HECTD4: variants seen among roughly 807,000 people sequenced by gnomAD.
The protein encoded by HECTD4 is HECT domain E3 ubiquitin protein ligase 4.
HECTD4 carries 114 observed loss-of-function variants against 471.5 expected under a neutral mutation model. The ratio of observed to expected loss-of-function variants is 0.24; its 90% CI spans 0.21 to 0.28. The LOEUF (loss-of-function observed/expected upper bound fraction) is 0.28, where lower values mean the gene tolerates loss of function less well. Ranked by LOEUF, HECTD4 falls within the 10% of genes least tolerant of loss-of-function variation. The pLI is 1.00. For missense variants in HECTD4, 3,866 were observed against 5,651.5 expected, an observed-to-expected ratio of 0.68 and a Z score of 10.13; for synonymous variants, 2,012 against 2,256.0, an observed-to-expected ratio of 0.89 and a Z score of 3.07.
rs115891231 is a variant in HECTD4 at position 112,168,246 on chromosome 12, T to A, written c.12209-329A>T. The stretch of plus-strand genomic sequence containing the variant: ...ACCGCAGGTCCCCACACAGGCAACC[T>A]CTCACAGCTGCAAGCCTGCCTGAGT... On this transcript the variant is annotated intron_variant, in intron 70 of 75. Transcript: ENST00000682272. 2.0e-3 allele frequency among the ~76,000 whole-genome samples: 312 copies of A among 152,260 alleles called. 2 individuals carry two copies. The highest frequency in any genetic ancestry group is 7.2e-3 in the African/African-American group (298 of 41,550).
At chr12:112,211,262 T>C (rs1156431469) in intron 49 of HECTD4, among the ~76,000 whole-genome samples, 1 of 152,098 alleles carries the variant, frequency 6.6e-6, no homozygotes, top group African/African-American at 2.4e-5. Context: ...GGAGTACAAC[T>C]GACTATTCAT....
intron 7 of HECTD4, chr12:112,301,949 A>C (rs925408409): frequency 1.1e-6 from 1 of 878,356 alleles, no homozygotes; most frequent in African/African-American, 1.6e-5. Flanking sequence ...GGGACCCAAG[A>C]TATTGCCTCC....
chr12:112,378,287 C>T (rs555010524), intron 1 of HECTD4, among the ~76,000 whole-genome samples: 1 of 152,224 alleles, frequency 6.6e-6, no homozygotes, highest in African/African-American at 2.4e-5. Flanking sequence ...GACGCGATCT[C>T]AGCTCACTGC....
At chr12:112,380,851 A>C (rs2036874022) in intron 1 of HECTD4, among the ~76,000 whole-genome samples, 1 of 152,166 alleles carries the variant, frequency 6.6e-6, no homozygotes, top group Non-Finnish European at 1.5e-5. Context: ...AATGGCTTTT[A>C]ATTCATTTCT....
intron 58 of HECTD4, 31 bp from the exon 59 acceptor site, chr12:112,192,796 C>A: frequency 6.6e-7 from 1 of 1,523,668 alleles, no homozygotes. Context: ...GGTGTTAATA[C>A]AGGGTCTAGC....
chr12:112,283,483 G>C (rs1226127524), intron 7 of HECTD4, among the ~76,000 whole-genome samples, 181 bp from the exon 8 acceptor site: 5 of 152,192 alleles, frequency 3.3e-5, no homozygotes, highest in Admixed American at 2.6e-4. Flanking sequence ...ACTATGCTAA[G>C]TTTGAGATCT....
chr12:112,364,397 ACT>A (rs905902704), intron 1 of HECTD4, among the ~76,000 whole-genome samples: 31 of 146,712 alleles, frequency 2.1e-4, no homozygotes, highest in Non-Finnish European at 3.0e-4. Context: ...ACAGAGCAAG[ACT>A]CTCTCTCTCA....
Position 112,203,626 on chromosome 12 carries a change from G to C in HECTD4, c.8406+10C>G. On this transcript the variant is annotated intron_variant, in intron 54 of 75. Coordinates refer to ENST00000682272, the MANE Select transcript of HECTD4 (RefSeq NM_001388303.1). ...AAATAGCTTATTAATCAGAATGGCT[G>C]TTCACTCACTGAATCAACATCTAAG... 1 of 1,610,404 alleles carries C rather than the reference G, an allele frequency of 6.2e-7. No homozygotes were observed. The highest frequency in any genetic ancestry group is 1.3e-5 in the African/African-American group (1 of 74,926).
intron 37 of HECTD4, among the ~76,000 whole-genome samples, chr12:112,234,637 A>G (rs1276961340): frequency 6.6e-6 from 1 of 152,192 alleles, no homozygotes. Flanking sequence ...TCAACTAATT[A>G]AAGATTTAAA....
At chr12:112,261,622 T>C in intron 17 of HECTD4, 193 bp from the exon 18 acceptor site, 1 of 516,468 alleles carries the variant, frequency 1.9e-6, no homozygotes, top group South Asian at 3.1e-5. Flanking sequence ...AAATGGCAAG[T>C]AGCAATTTGG....
chr12:112,362,170 G>A (rs2036461964), intron 1 of HECTD4, among the ~76,000 whole-genome samples: 1 of 152,148 alleles, frequency 6.6e-6, no homozygotes, highest in Non-Finnish European at 1.5e-5. Context: ...TACTCAATGG[G>A]ACTGTGCTTA....
chr12:112,238,958 G>C, intron 34 of HECTD4, 94 bp downstream of exon 34: 1 of 1,203,062 alleles, frequency 8.3e-7, no homozygotes, highest in Non-Finnish European at 1.1e-6. Context: ...ATTTAATAGA[G>C]GCTTTCTCTC....
intron 64 of HECTD4, among the ~76,000 whole-genome samples, chr12:112,177,448 C>T (rs1388425789): frequency 6.7e-6 from 1 of 148,540 alleles, no homozygotes; most frequent in African/African-American, 2.5e-5. Flanking sequence ...GGCGTGACCT[C>T]GGCTCACTGC....
intron 7 of HECTD4, among the ~76,000 whole-genome samples, chr12:112,286,424 A>T (rs1273908540): frequency 6.6e-6 from 1 of 152,234 alleles, no homozygotes; most frequent in Non-Finnish European, 1.5e-5. Context: ...CTGTAATCCC[A>T]GCACTTTGGG....
chr12:112,297,795 G>C (rs1747216418), intron 7 of HECTD4, among the ~76,000 whole-genome samples: 3 of 152,110 alleles, frequency 2.0e-5, no homozygotes, highest in Non-Finnish European at 4.4e-5. Flanking sequence ...TTGGTAACAG[G>C]TTTTGGCTGA....
chr12:112,323,978 C>T (rs1354601962), intron 1 of HECTD4, among the ~76,000 whole-genome samples: 460 of 18,344 alleles, frequency 0.025, 60 homozygotes, highest in African/African-American at 0.15. Context: ...TCCTTCCTTC[C>T]TTCCTTCCTT....
At chr12:112,321,808 G>C (rs1280907007) in intron 1 of HECTD4, 1 of 151,392 alleles carries the variant, frequency 6.6e-6, no homozygotes, top group Non-Finnish European at 1.5e-5. Context: ...AACAAAAGAA[G>C]CAAGAAGCTA....
At chr12:112,236,685 C>T (rs1423765785) in intron 35 of HECTD4, among the ~76,000 whole-genome samples, 3 of 152,192 alleles carry the variant, frequency 2.0e-5, no homozygotes, top group Non-Finnish European at 4.4e-5. Context: ...GAAAGGTTAG[C>T]AGCTGCTGTC....
intron 60 of HECTD4, among the ~76,000 whole-genome samples, chr12:112,187,347 T>C (rs2031910162): frequency 6.6e-6 from 1 of 152,138 alleles, no homozygotes; most frequent in African/African-American, 2.4e-5. Flanking sequence ...TTCAGCTAGA[T>C]TTTTGTGACG....
Sources: gnomAD v4.1 joint callset for allele counts (sites outside exome capture counted in the v4.1 genomes callset) on GRCh38, gnomAD v4.1.1 for gene constraint, MANE v1.5 for transcripts, NCBI Gene and HGNC (gene_info 2026-07-23, HGNC 2026-07-21) for gene names.